Variants in CPNE3 observed in about 807,000 individuals in gnomAD.
CPNE3 encodes the protein copine-3.
Under a neutral mutation model 63.9 loss-of-function variants are expected in CPNE3, and 68 were observed. The observed-to-expected ratio is 1.06, with a 90% CI of 0.87 to 1.30. The LOEUF is 1.30. Ranked by LOEUF, CPNE3 falls within the 50% of genes most tolerant of loss-of-function variation. CPNE3 has a pLI of 0.00. For missense variants in CPNE3, 665 were observed against 578.1 expected (o/e 1.15, Z -1.54); for synonymous variants, 219 against 197.5 (o/e 1.11, Z -0.91).
chr8:86,558,494 T>C lies in CPNE3; in HGVS notation c.*84T>C. 1.2e-6 allele frequency: 1 copy of C among 847,120 alleles called. No individual in the cohort carries two copies. The highest frequency in any genetic ancestry group is 1.7e-5 in the Admixed American group (1 of 58,800). 52.5% of individuals were successfully genotyped at this position (847,120 alleles called of 1,614,324 possible). On this transcript the variant is annotated 3_prime_UTR_variant, in exon 17 of 17. Coordinates refer to ENST00000517490, the MANE Select transcript of CPNE3 (RefSeq NM_003909.5). Reference sequence around the variant, plus strand: ...GTGTATCTGTCATTCTACGTACTTTTTACCCCCAGCATTTATGATGTAAAT... The same window carrying C: ...GTGTATCTGTCATTCTACGTACTTTCTACCCCCAGCATTTATGATGTAAAT...
chr8:86,522,153 C>T (rs994668615), intron 2 of CPNE3, among the ~76,000 whole-genome samples: 4 of 152,092 alleles, frequency 2.6e-5, no homozygotes, highest in African/African-American at 9.7e-5. Flanking sequence ...TTTTAATCGT[C>T]AGTAAAAGTA....
intron 10 of CPNE3, chr8:86,547,216 A>C (rs1317637893): frequency 6.5e-6 from 1 of 153,862 alleles, no homozygotes; most frequent in East Asian, 1.9e-4. Flanking sequence ...GGACAAGGAT[A>C]AGTTTTTCGT....
chr8:86,551,410 G>C, intron 14 of CPNE3, 176 bp downstream of exon 14: 1 of 590,830 alleles, frequency 1.7e-6, no homozygotes, highest in Non-Finnish European at 2.9e-6. Flanking sequence ...ATTGCACCAG[G>C]TTGGTGGTTA....
intron 2 of CPNE3, among the ~76,000 whole-genome samples, chr8:86,523,671 C>T (rs1820482084): frequency 1.3e-5 from 2 of 152,178 alleles, no homozygotes; most frequent in Non-Finnish European, 2.9e-5. Context: ...CTGCAACCTT[C>T]ACCTCCTTGG....
chr8:86,537,964 C>G (rs1415627401), intron 7 of CPNE3, among the ~76,000 whole-genome samples: 2 of 126,266 alleles, frequency 1.6e-5, no homozygotes, highest in South Asian at 2.5e-4. Flanking sequence ...CTGTCCCTCT[C>G]TGTCTCTCTC....
chr8:86,519,919 C>T (rs1820394903), intron 2 of CPNE3, among the ~76,000 whole-genome samples: 1 of 152,082 alleles, frequency 6.6e-6, no homozygotes, highest in South Asian at 2.1e-4. Flanking sequence ...ACCATGTTGG[C>T]CAGGATGGTC....
chr8:86,515,452 C>G lies in CPNE3; in HGVS notation c.-48-10C>G, dbSNP rs554533923. On this transcript the variant is annotated splice_polypyrimidine_tract_variant and intron_variant, in intron 1 of 16. Coordinates refer to ENST00000517490, the MANE Select transcript of CPNE3 (RefSeq NM_003909.5). ...TTATTAAAGTGATGTTACTCTGTTT[C>G]ATTCTCCAGGAAACTCAGGTTGAAT... 1 of 152,330 alleles carries G rather than the reference C, an allele frequency of 6.6e-6. No homozygotes were observed. The highest frequency in any genetic ancestry group is 1.9e-4 in the East Asian group (1 of 5,186). The allele number at this position is 152,330 out of a possible 1,614,324, so 9.4% of individuals were successfully genotyped here.
At chr8:86,535,788 T>C (rs1446063003) in intron 6 of CPNE3, among the ~76,000 whole-genome samples, 2 of 152,202 alleles carry the variant, frequency 1.3e-5, no homozygotes, top group Non-Finnish European at 2.9e-5. Flanking sequence ...GTTAATAGTT[T>C]TAGAATAAAA....
intron 2 of CPNE3, among the ~76,000 whole-genome samples, chr8:86,523,306 A>G (rs917815608): frequency 6.6e-6 from 1 of 152,222 alleles, no homozygotes; most frequent in African/African-American, 2.4e-5. Context: ...GAGGTGACAC[A>G]TCCAAATTAG....
At chr8:86,516,732 T>C (rs1470155051) in intron 2 of CPNE3, among the ~76,000 whole-genome samples, 2 of 152,200 alleles carry the variant, frequency 1.3e-5, no homozygotes, top group African/African-American at 4.8e-5. Context: ...TCCTTTGCCT[T>C]CTTTATTTTT....
At chr8:86,523,608 T>C (rs1820480770) in intron 2 of CPNE3, among the ~76,000 whole-genome samples, 1 of 152,142 alleles carries the variant, frequency 6.6e-6, no homozygotes, top group African/African-American at 2.4e-5. Flanking sequence ...TGTTTTGAGA[T>C]AGAGTCTCAC....
At chr8:86,533,384 A>C (rs1007256749) in intron 6 of CPNE3, among the ~76,000 whole-genome samples, 14 of 152,204 alleles carry the variant, frequency 9.2e-5, no homozygotes, top group African/African-American at 3.4e-4. Flanking sequence ...CTCTACAAAA[A>C]ATACAAAAAT....
intron 10 of CPNE3, 170 bp from the exon 11 acceptor site, chr8:86,547,541 A>T: frequency 1.8e-6 from 1 of 549,968 alleles, no homozygotes; most frequent in Non-Finnish European, 3.2e-6. Context: ...AATTTTACAG[A>T]TTCATGGCAC....
intron 14 of CPNE3, 101 bp from the exon 15 acceptor site, chr8:86,554,750 A>C (rs1821274425): frequency 7.2e-7 from 1 of 1,395,006 alleles, no homozygotes; most frequent in African/African-American, 1.4e-5. Context: ...TATTTAAAGC[A>C]CTATATGTTG....
intron 2 of CPNE3, among the ~76,000 whole-genome samples, chr8:86,516,474 C>T (rs781185420): frequency 3.0e-4 from 46 of 152,032 alleles, no homozygotes; most frequent in Non-Finnish European, 6.2e-4. Context: ...TCACTGCTGC[C>T]CTGGGTATTT....
rs746510247 is a variant in CPNE3, at chr8:86,556,287, A to T, written c.1440A>T (p.Glu480Asp). 1 of 873,048 alleles carries T rather than the reference A, an allele frequency of 1.1e-6. No homozygotes were observed. Among genetic ancestry groups the T allele is most frequent in the South Asian group, 1.3e-5 (1 of 76,544 alleles). 54.1% of individuals were successfully genotyped at this position (873,048 alleles called of 1,614,324 possible). Reference sequence around the variant, plus strand: ...GAAGTCTCCGCTCCCCATTGGGCGAAGTGGCCATCAGAGATATTGTCCAGT... The same window carrying T: ...GAAGTCTCCGCTCCCCATTGGGCGATGTGGCCATCAGAGATATTGTCCAGT... ...DGGSLRSPLG[E>D]VAIRDIVQFV... The change falls in exon 16 of 17, where the codon GAA (glutamate) becomes GAT (aspartate). Residue 480 changes from glutamate to aspartate, a missense_variant. Transcript: ENST00000517490.
chr8:86,514,955 C>T (rs1392666688), intron 1 of CPNE3, among the ~76,000 whole-genome samples: 1 of 152,154 alleles, frequency 6.6e-6, no homozygotes, highest in East Asian at 1.9e-4. Context: ...CGCTGCAGCA[C>T]CACGCGGGGA....
rs1303761464 is a variant in CPNE3, at chr8:86,561,079, C to T, written c.*2669C>T. 2.6e-5 allele frequency: 4 copies of T among 152,192 alleles called. No homozygotes were observed. The highest frequency in any genetic ancestry group is 1.3e-4 in the Admixed American group (2 of 15,284). The allele number at this position is 152,192 out of a possible 1,614,324, so 9.4% of individuals were successfully genotyped here. On this transcript the variant is annotated 3_prime_UTR_variant, in exon 17 of 17. Transcript: ENST00000517490. ...GTCTGATCAGAGATTTACAACTGTT[C>T]ATTATAGTGGTGCCTTAGGCAATCT...
At chr8:86,516,193 G>A (rs993654009) in intron 2 of CPNE3, among the ~76,000 whole-genome samples, 8 of 152,124 alleles carry the variant, frequency 5.3e-5, no homozygotes, top group Admixed American at 2.0e-4. Flanking sequence ...AAGGTGCCTG[G>A]CACAAACCCC....
Sources: gnomAD v4.1 joint callset for allele counts (sites outside exome capture counted in the v4.1 genomes callset) on GRCh38, gnomAD v4.1.1 for gene constraint, MANE v1.5 for transcripts, NCBI Gene and HGNC (gene_info 2026-07-23, HGNC 2026-07-21) for gene names.